AKR1D1: variants seen among roughly 807,000 people sequenced by gnomAD.
AKR1D1 encodes the protein delta(4)-3-ketosteroid 5-beta-reductase.
AKR1D1 carries 32 observed loss-of-function variants against 42.6 expected under a neutral mutation model. The ratio of observed to expected loss-of-function variants is 0.75; its 90% CI spans 0.57 to 1.01. The LOEUF (loss-of-function observed/expected upper bound fraction) is 1.01, where lower values mean the gene tolerates loss of function less well. AKR1D1 is among the 50% of genes least tolerant of loss of function. AKR1D1 has a pLI of 0.00. For missense variants in AKR1D1, 364 were observed against 402.2 expected, an observed-to-expected ratio of 0.91 and a Z score of 0.81; for synonymous variants, 123 against 135.5, an observed-to-expected ratio of 0.91 and a Z score of 0.64.
intron 1 of AKR1D1, among the ~76,000 whole-genome samples, chr7:138,080,417 C>T (rs2117411863): frequency 6.6e-6 from 1 of 152,288 alleles, no homozygotes; most frequent in South Asian, 2.1e-4. Flanking sequence ...ATGCAATGCA[C>T]TTGTTGGCTG....
rs1794672804 is a variant in AKR1D1 at position 138,117,966 on chromosome 7, C to G, written c.*1304C>G. On this transcript the variant is annotated 3_prime_UTR_variant, in exon 9 of 9. Coordinates refer to ENST00000242375, the MANE Select transcript of AKR1D1 (RefSeq NM_005989.4). ...CCCGGGAGGAGGAGCTTGCAGTGAGCCGAGATAGCGCCACTGCAGTCCGGC... is the reference window on the plus strand; with the variant it reads ...CCCGGGAGGAGGAGCTTGCAGTGAGGCGAGATAGCGCCACTGCAGTCCGGC... 6.6e-6 allele frequency: 1 copy of G among 152,020 alleles called. No individual in the cohort carries two copies. 9.4% of individuals were successfully genotyped at this position (152,020 alleles called of 1,614,324 possible). A position where few individuals can be genotyped will look rare whatever the true frequency, so the allele number is the denominator to read the frequency against.
chr7:138,094,386 G>A (rs538723841), intron 3 of AKR1D1, among the ~76,000 whole-genome samples: 2 of 152,276 alleles, frequency 1.3e-5, no homozygotes, highest in East Asian at 3.9e-4. Context: ...TTGGTGGCAT[G>A]TGCCTGTGGT....
intron 1 of AKR1D1, among the ~76,000 whole-genome samples, chr7:138,082,523 C>T (rs957563284): frequency 6.6e-6 from 1 of 152,034 alleles, no homozygotes; most frequent in Non-Finnish European, 1.5e-5. Flanking sequence ...AGGTGTACAT[C>T]ACCATGCCTG....
chr7:138,104,451 A>C (rs2117457870), intron 4 of AKR1D1, among the ~76,000 whole-genome samples: 1 of 152,252 alleles, frequency 6.6e-6, no homozygotes, highest in South Asian at 2.1e-4. Context: ...TAATACCAGC[A>C]CTTTGGGACA....
intron 2 of AKR1D1, among the ~76,000 whole-genome samples, chr7:138,090,320 T>C (rs117572628): frequency 0.023 from 3,440 of 152,180 alleles, 64 homozygotes; most frequent in Non-Finnish European, 0.033. Flanking sequence ...CCAATTTTGC[T>C]TACCCTTTCT....
rs372299330 is a variant in AKR1D1 at position 138,091,728 on chromosome 7, G to C, written c.262-40G>C. The C allele has an allele frequency of 4.2e-6, 6 of 1,444,966 alleles. No homozygotes were observed. The South Asian group carries it at 5.7e-5, about 14-fold the overall frequency. The allele number at this position is 1,444,966 out of a possible 1,614,324, so 89.5% of individuals were successfully genotyped here. ...AAGGGGCTGCCTTATCGTAAAAAGC[G>C]TGTAGACATTAGTTAATTCTCCCTC... On this transcript the variant is annotated intron_variant, in intron 2 of 8. Coordinates refer to ENST00000242375, the MANE Select transcript of AKR1D1 (RefSeq NM_005989.4).
intron 4 of AKR1D1, among the ~76,000 whole-genome samples, 171 bp from the exon 5 acceptor site, chr7:138,105,136 A>G (rs1047379317): frequency 1.3e-5 from 2 of 151,884 alleles, no homozygotes; most frequent in Admixed American, 6.5e-5. Flanking sequence ...TCCAAATTCA[A>G]TCATAGAATT....
chr7:138,105,204 C>T (rs1470714438), intron 4 of AKR1D1, 103 bp from the exon 5 acceptor site: 10 of 1,524,884 alleles, frequency 6.6e-6, no homozygotes, highest in Non-Finnish European at 9.1e-6. Flanking sequence ...TATTAACATA[C>T]CCAGGAACTT....
intron 2 of AKR1D1, among the ~76,000 whole-genome samples, chr7:138,090,636 C>CAA (rs201055784): frequency 4.4e-5 from 4 of 91,472 alleles, no homozygotes; most frequent in African/African-American, 1.4e-4. Context: ...GACCCCGTCT[C>CAA]AAAAAAAAAA....
At chr7:138,094,066 AT>A (rs1363793120) in intron 3 of AKR1D1, among the ~76,000 whole-genome samples, 1 of 152,180 alleles carries the variant, frequency 6.6e-6, no homozygotes, top group Non-Finnish European at 1.5e-5. Context: ...TTCTATTCTT[AT>A]TTTTGATGGG....
chr7:138,081,506 C>CTTTT lies in AKR1D1; in HGVS notation c.93+4928_93+4931dup, dbSNP rs61466734. ...TCCAAAATATAAAAGGAACTCCTAC[C>CTTTT]TTTTTTTTTTTTTTTTTTTTTTTTT... On this transcript the variant is annotated intron_variant, in intron 1 of 8. Transcript: ENST00000242375. Among the ~76,000 whole-genome samples the CTTTT allele has an allele frequency of 2.9e-4, 14 of 47,698 alleles. 2 individuals are homozygous for CTTTT. The highest frequency in any genetic ancestry group is 1.3e-3 in the African/African-American group (13 of 9,986). 31.3% of individuals were successfully genotyped at this position (47,698 alleles called of 152,430 possible).
intron 3 of AKR1D1, among the ~76,000 whole-genome samples, chr7:138,096,437 C>T (rs73451419): frequency 4.3e-4 from 65 of 152,236 alleles, no homozygotes; most frequent in African/African-American, 1.5e-3. Flanking sequence ...CACAAGAAAG[C>T]ACCCCTCCTC....
At chr7:138,114,442 C>G (rs1794594220) in intron 8 of AKR1D1, among the ~76,000 whole-genome samples, 1 of 151,988 alleles carries the variant, frequency 6.6e-6, no homozygotes, top group African/African-American at 2.4e-5. Context: ...GGCGGATCAC[C>G]TTAGGTCGGG....
chr7:138,101,094 A>G (rs1262511065), intron 4 of AKR1D1, among the ~76,000 whole-genome samples: 1 of 152,086 alleles, frequency 6.6e-6, no homozygotes, highest in Non-Finnish European at 1.5e-5. Flanking sequence ...AACATTATCA[A>G]CCTTCTTAAC....
intron 2 of AKR1D1, 81 bp from the exon 3 acceptor site, chr7:138,091,687 G>C: frequency 9.1e-7 from 1 of 1,100,712 alleles, no homozygotes; most frequent in Non-Finnish European, 1.4e-6. Flanking sequence ...ATGTGTACGA[G>C]TGTTTTACAA....
rs920947872 is a variant in AKR1D1 at position 138,117,654 on chromosome 7, C to G, written c.*992C>G. On this transcript the variant is annotated 3_prime_UTR_variant, in exon 9 of 9. Coordinates refer to ENST00000242375, the MANE Select transcript of AKR1D1 (RefSeq NM_005989.4). The stretch of plus-strand genomic sequence containing the variant: ...AACTCTGGTAATTTTCCTGTATGTA[C>G]AATTTAAAGAGTGAATAAGATTATT... 1 of 152,124 alleles carries G rather than the reference C, an allele frequency of 6.6e-6. No individual in the cohort carries two copies. The highest frequency in any genetic ancestry group is 1.5e-5 in the Non-Finnish European group (1 of 68,034). The allele number at this position is 152,124 out of a possible 1,614,324, so 9.4% of individuals were successfully genotyped here.
chr7:138,117,098 A>T lies in AKR1D1; in HGVS notation c.*436A>T, dbSNP rs1294691023. ...CTTTGGACCATTGGTTACAAAACAGACACAGCCAAGATAAGATCCACACAC... is the reference window on the plus strand; with the variant it reads ...CTTTGGACCATTGGTTACAAAACAGTCACAGCCAAGATAAGATCCACACAC... On this transcript the variant is annotated 3_prime_UTR_variant, in exon 9 of 9. Coordinates refer to ENST00000242375, the MANE Select transcript of AKR1D1 (RefSeq NM_005989.4). 1 of 162,590 alleles carries T rather than the reference A, an allele frequency of 6.2e-6. No homozygotes were observed. Among genetic ancestry groups the T allele is most frequent in the Non-Finnish European group, 1.4e-5 (1 of 73,988 alleles). 10.1% of individuals were successfully genotyped at this position (162,590 alleles called of 1,614,324 possible).
chr7:138,097,750 G>T (rs573787512), intron 3 of AKR1D1, 116 bp from the exon 4 acceptor site: 631 of 897,420 alleles, frequency 7.0e-4, no homozygotes, highest in Non-Finnish European at 9.8e-4. Flanking sequence ...GGGTGATTTA[G>T]AAACAATAGA....
rs532129527 is a variant in AKR1D1 at position 138,104,117 on chromosome 7, G to A, written c.457-1190G>A. Among the ~76,000 whole-genome samples, 3 of 152,144 alleles carry A rather than the reference G, an allele frequency of 2.0e-5. No individual in the cohort carries two copies. The East Asian group carries it at 5.8e-4, about 29-fold the overall frequency. On this transcript the variant is annotated intron_variant, in intron 4 of 8. Transcript: ENST00000242375. ...CCCACCACAGCACTCCAGCCTGGGT[G>A]ACAGAGCAAGATACTGTTTCAAAAA... is the stretch of plus-strand genomic sequence containing the variant.
Sources: gnomAD v4.1 joint callset for allele counts (sites outside exome capture counted in the v4.1 genomes callset) on GRCh38, gnomAD v4.1.1 for gene constraint, MANE v1.5 for transcripts, NCBI Gene and HGNC (gene_info 2026-07-23, HGNC 2026-07-21) for gene names.